The following CD99 variants were observed in gnomAD, a reference collection of about 807,000 sequenced individuals.
CD99 encodes CD99 molecule (Xg blood group).
A neutral mutation model predicts 28.4 loss-of-function variants in CD99; 19 were observed. The ratio of observed to expected loss-of-function variants is 0.67; its 90% CI spans 0.47 to 0.98. The LOEUF is 0.98. Among genes scored for constraint, CD99 ranks in the 50% least tolerant of loss-of-function variants. The probability of loss-of-function intolerance (pLI) is 0.00; values close to 1 mark genes in which losing one functional copy is unlikely to be tolerated. For synonymous variants in CD99, 103 were observed against 92.1 expected, an observed-to-expected ratio of 1.12 and a Z score of -0.67; for missense variants, 283 against 248.8, an observed-to-expected ratio of 1.14 and a Z score of -0.92.
chrX:2,730,109 G>A (rs758068462), intron 8 of CD99, among the ~76,000 whole-genome samples: 10 of 152,182 alleles, frequency 6.6e-5, no homozygotes, highest in African/African-American at 2.2e-4. Flanking sequence ...AGCCATGATT[G>A]CACCACTGCA....
intron 7 of CD99, among the ~76,000 whole-genome samples, chrX:2,725,511 C>T (rs764008653): frequency 1.3e-5 from 2 of 152,316 alleles, no homozygotes; most frequent in South Asian, 2.1e-4. Context: ...CGATACAAAA[C>T]GCATTGGCAA....
intron 8 of CD99, chrX:2,733,479 G>C: frequency 9.9e-6 from 12 of 1,216,316 alleles, no homozygotes; most frequent in Non-Finnish European, 1.4e-5. Context: ...CGCTCCCCTC[G>C]CCCTGCTGGC....
chrX:2,694,745 TCA>T (rs1243797843), intron 1 of CD99, among the ~76,000 whole-genome samples: 1 of 151,424 alleles, frequency 6.6e-6, no homozygotes, highest in Admixed American at 6.6e-5. Flanking sequence ...AGAGAGAGAC[TCA>T]GTCTCAAAGA....
intron 8 of CD99, among the ~76,000 whole-genome samples, chrX:2,731,104 A>T (rs1483569503): frequency 2.6e-5 from 4 of 152,310 alleles, no homozygotes; most frequent in African/African-American, 9.6e-5. Context: ...TTGTTAGTAG[A>T]CATGGAATTG....
At chrX:2,734,607 CTTTTTCT>C (rs1279273560) in intron 8 of CD99, among the ~76,000 whole-genome samples, 4 of 150,198 alleles carry the variant, frequency 2.7e-5, no homozygotes, top group South Asian at 2.1e-4. Flanking sequence ...GTGCCTGGCC[CTTTTTCT>C]TTTTTCTTTT....
chrX:2,692,600 G>A lies in CD99; in HGVS notation c.67+1173G>A, dbSNP rs2047378497. 2.0e-5 allele frequency among the ~76,000 whole-genome samples: 3 copies of A among 152,186 alleles called. No homozygotes were observed. The East Asian group carries it at 5.8e-4, about 29-fold the overall frequency. On this transcript the variant is annotated intron_variant, in intron 1 of 9. Transcript: ENST00000381192. ...AAGCCTGCTCCGTAGAGGAAAACTT[G>A]GAGGACTTTCCAGCCTGCAGGGGAG...
intron 8 of CD99, among the ~76,000 whole-genome samples, chrX:2,732,464 C>T (rs1408435224): frequency 3.3e-5 from 5 of 151,924 alleles, no homozygotes; most frequent in Non-Finnish European, 1.5e-5. Flanking sequence ...TTCTTCTTCT[C>T]TGCCTTTCTT....
chrX:2,721,340 G>A (rs1268600501), intron 5 of CD99, among the ~76,000 whole-genome samples: 1 of 151,588 alleles, frequency 6.6e-6, no homozygotes, highest in Non-Finnish European at 1.5e-5. Context: ...CTAGAGTACA[G>A]TGCTGTGATC....
At chrX:2,730,287 C>A (rs1369606127) in intron 8 of CD99, among the ~76,000 whole-genome samples, 2 of 151,892 alleles carry the variant, frequency 1.3e-5, no homozygotes, top group East Asian at 3.9e-4. Flanking sequence ...ACTCTCCTGC[C>A]TCAGCTTCCC....
intron 1 of CD99, chrX:2,691,943 G>T: frequency 1.3e-6 from 1 of 778,556 alleles, no homozygotes; most frequent in Non-Finnish European, 2.4e-6. Context: ...AAAAAACTTT[G>T]AGCCCTGAAA....
intron 8 of CD99, 116 bp downstream of exon 8, chrX:2,726,489 A>G (rs2049291838): frequency 1.4e-6 from 1 of 738,088 alleles, no homozygotes; most frequent in African/African-American, 1.7e-5. Flanking sequence ...ACGATGGCTG[A>G]TGGTTCGTGA....
At chrX:2,730,335 G>T (rs1306003227) in intron 8 of CD99, among the ~76,000 whole-genome samples, 2 of 148,692 alleles carry the variant, frequency 1.3e-5, no homozygotes, top group African/African-American at 5.2e-5. Flanking sequence ...ACCACGTCCA[G>T]CTAATTTTTC....
intron 8 of CD99, among the ~76,000 whole-genome samples, chrX:2,727,762 G>C (rs1243173076): frequency 5.9e-5 from 9 of 152,054 alleles, no homozygotes; most frequent in Non-Finnish European, 8.8e-5. Context: ...CAGGCGTGAG[G>C]CACCACACCT....
chrX:2,727,176 C>T, intron 8 of CD99: 1 of 713,684 alleles, frequency 1.4e-6, no homozygotes, highest in East Asian at 2.7e-5. Flanking sequence ...AGCGGATTCC[C>T]TTTCTGTTAG....
At chrX:2,721,777 T>C (rs2049004321) in intron 5 of CD99, among the ~76,000 whole-genome samples, 1 of 152,238 alleles carries the variant, frequency 6.6e-6, no homozygotes, top group South Asian at 2.1e-4. Flanking sequence ...TATATAATTA[T>C]ATTCTTCCTG....
rs1166398399 is a variant in CD99 at position 2,698,203 on chromosome X, A to C, written c.67+6776A>C. ...TTTGTTTCTTTTTTTTTTTTTTTTT[A>C]GACTTGCCCAGGCCGGAGTGCAGTG... On this transcript the variant is annotated intron_variant, in intron 1 of 9. Transcript: ENST00000381192. Among the ~76,000 whole-genome samples the C allele has an allele frequency of 6.8e-5, 7 of 102,278 alleles. No homozygotes were observed. The Admixed American group carries it at 7.1e-4, about 10-fold the overall frequency. The allele number at this position is 102,278 out of a possible 152,430, so 67.1% of individuals were successfully genotyped here. A position where few individuals can be genotyped will look rare whatever the true frequency, so the allele number is the denominator to read the frequency against.
chrX:2,714,651 C>G (rs923991475), intron 2 of CD99, 197 bp downstream of exon 2: 1 of 476,664 alleles, frequency 2.1e-6, no homozygotes, highest in African/African-American at 2.0e-5. Flanking sequence ...ATAGCATTAC[C>G]TCTAAAAACA....
intron 1 of CD99, among the ~76,000 whole-genome samples, chrX:2,693,246 GC>G (rs998293609): frequency 6.6e-6 from 1 of 150,440 alleles, no homozygotes; most frequent in Admixed American, 6.6e-5. Flanking sequence ...TAAACCCACA[GC>G]AGTGTTCATC....
chrX:2,692,036 A>G (rs1449992692), intron 1 of CD99: 1 of 654,658 alleles, frequency 1.5e-6, no homozygotes, highest in African/African-American at 1.8e-5. Context: ...GCAGAAAGAA[A>G]CGTGTGCTTA....
Sources: gnomAD v4.1 joint callset for allele counts (sites outside exome capture counted in the v4.1 genomes callset) on GRCh38, gnomAD v4.1.1 for gene constraint, MANE v1.5 for transcripts, NCBI Gene and HGNC (gene_info 2026-07-23, HGNC 2026-07-21) for gene names.